The following ROBO3 variants were observed in gnomAD, a reference collection of about 807,000 sequenced individuals.
The protein encoded by ROBO3 is roundabout homolog 3.
ROBO3 carries 97 observed loss-of-function variants against 160.5 expected under a neutral mutation model. That is an observed-to-expected ratio of 0.60 (90% CI 0.51 to 0.72). The LOEUF (loss-of-function observed/expected upper bound fraction) is 0.72. ROBO3 is among the 30% of genes least tolerant of loss of function. The pLI, the probability that ROBO3 is intolerant of heterozygous loss-of-function variation, is 0.00. For synonymous variants in ROBO3, 780 were observed against 746.2 expected, an observed-to-expected ratio of 1.05 and a Z score of -0.74; for missense variants, 1,858 against 1,846.5, an observed-to-expected ratio of 1.01 and a Z score of -0.11.
chr11:124,869,526 G>GC lies in ROBO3; in HGVS notation c.571dup (p.Arg191ProfsTer61), dbSNP rs756837590. The GC allele has an allele frequency of 9.2e-5, 143 of 1,560,454 alleles. No individual in the cohort carries two copies. Among genetic ancestry groups the GC allele is most frequent in the Non-Finnish European group, 1.1e-4 (127 of 1,152,332 alleles). On this transcript the variant is annotated frameshift_variant, in exon 3 of 28. Coordinates refer to ENST00000397801, the MANE Select transcript of ROBO3 (RefSeq NM_022370.4). LOFTEE classifies it high-confidence loss of function. This position sits in a 1 kb window ranked among gnomAD's most constrained non-coding sequence, Gnocchi z 4.2. The stretch of plus-strand genomic sequence containing the variant: ...GGGAGCCAGCAGTACTGGAATGCGT[G>GC]CCCCCCCGCGGCCACCCGGAGCCTT...
Position 124,877,589 on chromosome 11 carries a change from C to T in ROBO3, c.2917C>T (p.Pro973Ser). 1.2e-6 allele frequency: 2 copies of T among 1,606,954 alleles called. No homozygotes were observed. The highest frequency in any genetic ancestry group is 1.1e-5 in the South Asian group (1 of 89,434). ...TTCGTGGCCCCACCCATCTCGAAGC[C>T]CCTCGGCCCAGGAACCCAGGGGAAG... ...ADSWPHPSRSPSAQEPRGSCC... is the reference protein window; with the variant it reads ...ADSWPHPSRSSSAQEPRGSCC... The change falls in exon 20 of 28, where the codon CCC (proline) becomes TCC (serine). Residue 973 changes from proline (P) to serine (S), a missense_variant. Pro to Ser is a moderately conservative substitution (Grantham distance 74, BLOSUM62 -1). Transcript: ENST00000397801.
intron 1 of ROBO3, among the ~76,000 whole-genome samples, chr11:124,867,196 A>T (rs1291958990): frequency 6.6e-6 from 1 of 152,204 alleles, no homozygotes; most frequent in East Asian, 1.9e-4. Flanking sequence ...GGGGCCTGGT[A>T]GAATTTGATT....
In ROBO3 at chr11:124,877,958, TAGC is replaced by T. The variant is rs1446577421; in HGVS notation, c.3009_3011del (p.Ala1004del). On this transcript the variant is annotated inframe_deletion, in exon 21 of 28. Coordinates refer to ENST00000397801, the MANE Select transcript of ROBO3 (RefSeq NM_022370.4). ...GCAGAAGCGGGAATCTCCCTGTATC[TAGC>T]TCAGACGGCCAGGGGCACGGCCGCC... 6.2e-7 allele frequency: 1 copy of T among 1,607,730 alleles called. No homozygotes were observed. The highest frequency in any genetic ancestry group is 8.5e-7 in the Non-Finnish European group (1 of 1,176,814).
In ROBO3 at chr11:124,876,314, C is replaced by A. The variant is rs560399997; in HGVS notation, c.2633C>A (p.Ala878Glu). The A allele has an allele frequency of 2.0e-5, 29 of 1,443,218 alleles. No homozygotes were observed. In the South Asian group the frequency reaches 3.9e-4, roughly 19 times the overall value. 89.4% of individuals were successfully genotyped at this position (1,443,218 alleles called of 1,614,324 possible). A position where few individuals can be genotyped will look rare whatever the true frequency, so the allele number is the denominator to read the frequency against. Residue 878 changes from alanine (A) to glutamate (E), a missense_variant, in exon 17 of 28, where the codon GCG becomes GAG. Ala to Glu is a moderately radical substitution (Grantham distance 107). Coordinates refer to ENST00000397801, the MANE Select transcript of ROBO3 (RefSeq NM_022370.4). This position sits in a 1 kb window ranked among gnomAD's most constrained non-coding sequence, Gnocchi z 5.3. ...PDLEPGLEVGAGLAVRLARVL... is the reference protein window; with the variant it reads ...PDLEPGLEVGEGLAVRLARVL... ...CTGGAGCCCGGGCTGGAGGTGGGCG[C>A]GGGGCTGGCGGTGCGGCTGGCGAGG...
At position 124,872,809 on chromosome 11, in the gene ROBO3, A is replaced by G; in HGVS notation, c.1331-75A>G. The stretch of plus-strand genomic sequence containing the variant: ...GCTGGGGTAGGGAGGGTGAAGGAGC[A>G]GAGAATGAGGACAAGGGGCTGCCCG... On this transcript the variant is annotated intron_variant, in intron 8 of 27. Coordinates refer to ENST00000397801, the MANE Select transcript of ROBO3 (RefSeq NM_022370.4). The surrounding 1 kb of genome is among the most constrained non-coding windows in gnomAD (Gnocchi z 4.3). The G allele has an allele frequency of 7.9e-7, 1 of 1,270,890 alleles. No individual in the cohort carries two copies. Among genetic ancestry groups the G allele is most frequent in the Non-Finnish European group, 1.1e-6 (1 of 935,882 alleles). 78.7% of individuals were successfully genotyped at this position (1,270,890 alleles called of 1,614,324 possible).
In ROBO3 at chr11:124,876,333, G is replaced by A. The variant is rs1172129461; in HGVS notation, c.2652G>A (p.Leu884=). The A allele has an allele frequency of 4.2e-6, 6 of 1,440,582 alleles. No individual in the cohort carries two copies. The South Asian group carries it at 7.4e-5, about 18-fold the overall frequency. 89.2% of individuals were successfully genotyped at this position (1,440,582 alleles called of 1,614,324 possible). The change falls in exon 17 of 28, where the codon CTG becomes CTA. Residue 884 remains leucine, a synonymous_variant. Coordinates refer to ENST00000397801, the MANE Select transcript of ROBO3 (RefSeq NM_022370.4). The surrounding 1 kb of genome is among the most constrained non-coding windows in gnomAD (Gnocchi z 5.3). The part of the protein sequence containing the change: ...LEVGAGLAVR[L]ARVLREPAFL... ...TGGGCGCGGGGCTGGCGGTGCGGCT[G>A]GCGAGGGTGCTGCGGGAGCCCGCCT...
chr11:124,877,074 G>A (rs781112565), intron 17 of ROBO3, 87 bp from the exon 18 acceptor site: 55 of 1,447,472 alleles, frequency 3.8e-5, no homozygotes, highest in Non-Finnish European at 5.3e-5. Flanking sequence ...ACTGGGACCG[G>A]GGCCTAGGCG....
At position 124,872,488 on chromosome 11, in the gene ROBO3, CGT is replaced by C. The variant is rs1565311078; in HGVS notation, c.1270_1271del (p.Cys424ProfsTer71). 6.2e-7 allele frequency: 1 copy of C among 1,613,994 alleles called. No homozygotes were observed. The highest frequency in any genetic ancestry group is 1.1e-5 in the South Asian group (1 of 91,078). On this transcript the variant is annotated frameshift_variant, in exon 8 of 28. Coordinates refer to ENST00000397801, the MANE Select transcript of ROBO3 (RefSeq NM_022370.4). LOFTEE classifies it high-confidence loss of function. The surrounding 1 kb of genome is among the most constrained non-coding windows in gnomAD (Gnocchi z 4.3). ...TGCAGCGTGGGGATGCTGGGTACTACGTGTGCCAGGCTGTCAGTGTGGCTGGC... is the reference window on the plus strand; with the variant it reads ...TGCAGCGTGGGGATGCTGGGTACTACGTGCCAGGCTGTCAGTGTGGCTGGC... ...AVQRGDAGYY[V>X]CQAVSVAGSI...
Position 124,876,768 on chromosome 11 carries a change from A to T in ROBO3, c.2779+308A>T. 1 of 254,802 alleles carries T rather than the reference A, an allele frequency of 3.9e-6. No individual in the cohort carries two copies. The allele number at this position is 254,802 out of a possible 1,614,324, so 15.8% of individuals were successfully genotyped here. ...GTTCGAGGACGGAAAGCCCACTCAA[A>T]GGGCGGGGGGCGGGGCCTGGCAAGA... On this transcript the variant is annotated intron_variant, in intron 17 of 27. Transcript: ENST00000397801. The surrounding 1 kb of genome is among the most constrained non-coding windows in gnomAD (Gnocchi z 5.3).
In ROBO3 at chr11:124,873,953, C is replaced by T; in HGVS notation, c.1784+91C>T. On this transcript the variant is annotated intron_variant, in intron 11 of 27. Coordinates refer to ENST00000397801, the MANE Select transcript of ROBO3 (RefSeq NM_022370.4). This position sits in a 1 kb window ranked among gnomAD's most constrained non-coding sequence, Gnocchi z 4.5. ...CTTTGCTATTGTGAGGTGGGATTCT[C>T]CAGTACCCTCTTGCAAGGGGAAGAC... 6.3e-7 allele frequency: 1 copy of T among 1,582,874 alleles called. No homozygotes were observed. Among genetic ancestry groups the T allele is most frequent in the Non-Finnish European group, 8.7e-7 (1 of 1,155,092 alleles).
chr11:124,881,318 C>A lies in ROBO3; in HGVS notation c.*68C>A, dbSNP rs886047914. On this transcript the variant is annotated 3_prime_UTR_variant, in exon 28 of 28. Transcript: ENST00000397801. ...GGGGAGTAGGGATGTCTTTTCCCCC[C>A]CAGCAGTGATGAGTGGGGCTAGCTG... The A allele has an allele frequency of 1.3e-6, 2 of 1,488,364 alleles. No homozygotes were observed. The highest frequency in any genetic ancestry group is 1.9e-4 in the Middle Eastern group (1 of 5,272). The allele number at this position is 1,488,364 out of a possible 1,614,324, so 92.2% of individuals were successfully genotyped here.
Position 124,878,837 on chromosome 11 carries a change from A to G in ROBO3, c.3533+41A>G. On this transcript the variant is annotated intron_variant, in intron 23 of 27. Transcript: ENST00000397801. This position sits in a 1 kb window ranked among gnomAD's most constrained non-coding sequence, Gnocchi z 4.3. The stretch of plus-strand genomic sequence containing the variant: ...GTACCTCACTCATTGCAAGCCCTCT[A>G]TACGTATCTACTCAGTAGATGACTG... 6.7e-7 allele frequency: 1 copy of G among 1,497,680 alleles called. No homozygotes were observed. The highest frequency in any genetic ancestry group is 1.1e-5 in the South Asian group (1 of 87,322). The allele number at this position is 1,497,680 out of a possible 1,614,324, so 92.8% of individuals were successfully genotyped here. A position where few individuals can be genotyped will look rare whatever the true frequency, so the allele number is the denominator to read the frequency against.
chr11:124,869,442 C>T lies in ROBO3; in HGVS notation c.488-8C>T, dbSNP rs774547935. ...CCTGCTTATTTCGCCCCCCACCGCC[C>T]CGCCCAGTCCTCCGTGATGATTTCC... On this transcript the variant is annotated splice_polypyrimidine_tract_variant and splice_region_variant and intron_variant, in intron 2 of 27. Transcript: ENST00000397801. The surrounding 1 kb of genome is among the most constrained non-coding windows in gnomAD (Gnocchi z 4.2). The T allele has an allele frequency of 6.7e-6, 10 of 1,501,010 alleles. No individual in the cohort carries two copies. The South Asian group carries it at 8.4e-5, about 13-fold the overall frequency. The allele number at this position is 1,501,010 out of a possible 1,614,324, so 93.0% of individuals were successfully genotyped here. A position where few individuals can be genotyped will look rare whatever the true frequency, so the allele number is the denominator to read the frequency against.
chr11:124,873,947 G>T lies in ROBO3; in HGVS notation c.1784+85G>T. The stretch of plus-strand genomic sequence containing the variant: ...TAGGGTCTTTGCTATTGTGAGGTGG[G>T]ATTCTCCAGTACCCTCTTGCAAGGG... On this transcript the variant is annotated intron_variant, in intron 11 of 27. Coordinates refer to ENST00000397801, the MANE Select transcript of ROBO3 (RefSeq NM_022370.4). This position sits in a 1 kb window ranked among gnomAD's most constrained non-coding sequence, Gnocchi z 4.5. The T allele has an allele frequency of 6.3e-7, 1 of 1,586,286 alleles. No homozygotes were observed. Among genetic ancestry groups the T allele is most frequent in the Non-Finnish European group, 8.6e-7 (1 of 1,157,876 alleles).
rs944984598 is a variant in ROBO3 at position 124,873,101 on chromosome 11, C to T, written c.1536+12C>T. On this transcript the variant is annotated intron_variant, in intron 9 of 27. Coordinates refer to ENST00000397801, the MANE Select transcript of ROBO3 (RefSeq NM_022370.4). This position sits in a 1 kb window ranked among gnomAD's most constrained non-coding sequence, Gnocchi z 4.5. The stretch of plus-strand genomic sequence containing the variant: ...TCGCCAATGTGCAGGTGAGTGTCAC[C>T]CCTGGGGCCCTAGTAGCTGAGAATG... 1.4e-5 allele frequency: 22 copies of T among 1,609,192 alleles called. No homozygotes were observed. Among genetic ancestry groups the T allele is most frequent in the Non-Finnish European group, 1.9e-5 (22 of 1,177,000 alleles).
chr11:124,870,379 A>G (rs1045632860), intron 5 of ROBO3, 76 bp downstream of exon 5: 64 of 1,537,266 alleles, frequency 4.2e-5, no homozygotes, highest in Non-Finnish European at 4.6e-5. Flanking sequence ...ACCGGAAGAC[A>G]GGCACATTCT....
intron 1 of ROBO3, among the ~76,000 whole-genome samples, chr11:124,866,586 C>T (rs956717399): frequency 2.6e-5 from 4 of 152,218 alleles, no homozygotes; most frequent in Non-Finnish European, 4.4e-5. Context: ...GTGCTGGGGA[C>T]TCGAAGGTGG....
intron 6 of ROBO3, 124 bp downstream of exon 6, chr11:124,870,852 G>T: frequency 6.6e-7 from 1 of 1,519,964 alleles, no homozygotes; most frequent in South Asian, 1.2e-5. Context: ...TGAGACTTCT[G>T]CAAGGAGTGG....
chr11:124,865,666 T>A lies in ROBO3; in HGVS notation c.89T>A (p.Leu30His). 1 of 1,612,608 alleles carries A rather than the reference T, an allele frequency of 6.2e-7. No homozygotes were observed. Among genetic ancestry groups the A allele is most frequent in the African/African-American group, 1.3e-5 (1 of 75,012 alleles). Residue 30 changes from leucine to histidine, a missense_variant, in exon 1 of 28, where the codon CTC becomes CAC. Leu to His is a moderately conservative substitution (Grantham distance 99, BLOSUM62 -3). Coordinates refer to ENST00000397801, the MANE Select transcript of ROBO3 (RefSeq NM_022370.4). This position sits in a 1 kb window ranked among gnomAD's most constrained non-coding sequence, Gnocchi z 5.5. The stretch of plus-strand genomic sequence containing the variant: ...GACATCTCCAACTCCAGCGAGCTGC[T>A]CTTGGGCTTCAACTCCTCGCTGGCG... Reference protein sequence around the residue: ...AGDISNSSELLLGFNSSLAAL... With the variant: ...AGDISNSSELHLGFNSSLAAL...
Sources: allele counts gnomAD v4.1 joint callset (sites outside exome capture counted in the v4.1 genomes callset), GRCh38; gene constraint gnomAD v4.1.1; non-coding constraint Gnocchi (gnomAD v3.1); transcripts MANE v1.5; gene names NCBI Gene and HGNC (gene_info 2026-07-23, HGNC 2026-07-21).